Variants in PRKDC observed in about 807,000 individuals in gnomAD.
The protein encoded by PRKDC is DNA-dependent protein kinase catalytic subunit.
Under a neutral mutation model 486.9 loss-of-function variants are expected in PRKDC, and 82 were observed. The ratio of observed to expected loss-of-function variants is 0.17; its 90% CI spans 0.14 to 0.20. PRKDC has a LOEUF of 0.20. Among genes scored for constraint, PRKDC ranks in the 10% least tolerant of loss-of-function variants. The pLI, the probability that PRKDC is intolerant of heterozygous loss-of-function variation, is 1.00. For synonymous variants in PRKDC, 1,895 were observed against 1,837.0 expected, an observed-to-expected ratio of 1.03 and a Z score of -0.81; for missense variants, 4,504 against 5,038.2, an observed-to-expected ratio of 0.89 and a Z score of 3.21.
Position 47,902,794 on chromosome 8 carries a change from T to C in PRKDC, c.3044A>G (p.Asp1015Gly), listed in dbSNP as rs370371531. 10 of 1,595,600 alleles carry C rather than the reference T, an allele frequency of 6.3e-6. No individual in the cohort carries two copies. The highest frequency in any genetic ancestry group is 1.4e-5 in the African/African-American group (1 of 73,950). ...DTVALLEAIL[D>G]GIVDPVDSTL... The stretch of plus-strand genomic sequence containing the variant: ...ACTGTCAACAGGGTCCACAATTCCA[T>C]CCTGAAACAAAACAAAGAGACCTTG... Residue 1015 changes from aspartate (D) to glycine (G), a missense_variant and splice_region_variant, in exon 27 of 86, where the codon GAT becomes GGT. Coordinates refer to ENST00000314191, the MANE Select transcript of PRKDC (RefSeq NM_006904.7).
At position 47,943,838 on chromosome 8, in the gene PRKDC, T is replaced by C; in HGVS notation, c.808+15A>G. On this transcript the variant is annotated intron_variant, in intron 9 of 85. Coordinates refer to ENST00000314191, the MANE Select transcript of PRKDC (RefSeq NM_006904.7). ...TAATCTAAAATATTATACCTCATTA[T>C]AAACAGAATCCTACCTGAGGGCACA... The C allele has an allele frequency of 6.4e-7, 1 of 1,566,078 alleles. No homozygotes were observed. Among genetic ancestry groups the C allele is most frequent in the South Asian group, 1.2e-5 (1 of 84,904 alleles).
At chr8:47,795,797 G>A (rs1373848016) in intron 73 of PRKDC, among the ~76,000 whole-genome samples, 1 of 149,778 alleles carries the variant, frequency 6.7e-6, no homozygotes, top group Non-Finnish European at 1.5e-5. Flanking sequence ...CTGGTCCCCT[G>A]TACACGTAAC....
chr8:47,800,781 C>T lies in PRKDC; in HGVS notation c.10116+12G>A. Reference sequence around the variant, plus strand: ...CACAGCACACTAGCGTAAAACATTCCTCCAGTATTACCTTCTCTGAATCCT... The same window carrying T: ...CACAGCACACTAGCGTAAAACATTCTTCCAGTATTACCTTCTCTGAATCCT... On this transcript the variant is annotated intron_variant, in intron 71 of 85. Transcript: ENST00000314191. The T allele has an allele frequency of 6.3e-7, 1 of 1,595,366 alleles. No individual in the cohort carries two copies. The highest frequency in any genetic ancestry group is 8.5e-7 in the Non-Finnish European group (1 of 1,170,748).
Position 47,782,862 on chromosome 8 carries a change from C to A in PRKDC, c.11176-264G>T. The A allele has an allele frequency of 1.9e-6, 1 of 537,592 alleles. No individual in the cohort carries two copies. 33.3% of individuals were successfully genotyped at this position (537,592 alleles called of 1,614,324 possible). ...CAAGCAGCAACAGCCAACATGCAAA[C>A]TTTCTACAGTAGTAAGCTAATGCTA... On this transcript the variant is annotated intron_variant, in intron 78 of 85. Coordinates refer to ENST00000314191, the MANE Select transcript of PRKDC (RefSeq NM_006904.7). This position sits in a 1 kb window ranked among gnomAD's most constrained non-coding sequence, Gnocchi z 4.9.
In PRKDC at chr8:47,826,636, G is replaced by A. The variant is rs1290227636; in HGVS notation, c.8783+20C>T. 1.3e-6 allele frequency: 2 copies of A among 1,595,212 alleles called. No individual in the cohort carries two copies. Among genetic ancestry groups the A allele is most frequent in the Middle Eastern group, 2.2e-4 (1 of 4,532 alleles). On this transcript the variant is annotated intron_variant, in intron 63 of 85. Coordinates refer to ENST00000314191, the MANE Select transcript of PRKDC (RefSeq NM_006904.7). ...GGTCAAATCCAGTGTGCTCCCAAGA[G>A]CACCTGACCTCACACTTACTTAGCA...
chr8:47,785,085 GT>G, intron 77 of PRKDC, 27 bp downstream of exon 77: 1 of 1,606,526 alleles, frequency 6.2e-7, no homozygotes, highest in Non-Finnish European at 8.5e-7. Flanking sequence ...TGACAGTACA[GT>G]TTTGTCACCC....
chr8:47,833,137 G>A (rs1036761563), intron 59 of PRKDC, among the ~76,000 whole-genome samples: 8 of 152,324 alleles, frequency 5.3e-5, no homozygotes, highest in South Asian at 2.1e-4. Context: ...TCAACTCACA[G>A]CACATGCCAA....
intron 21 of PRKDC, among the ~76,000 whole-genome samples, chr8:47,925,340 C>T (rs1225510937): frequency 6.6e-6 from 1 of 152,258 alleles, no homozygotes; most frequent in Non-Finnish European, 1.5e-5. Flanking sequence ...GTCAAAAAGG[C>T]ACAGCCCAAA....
Position 47,862,406 on chromosome 8 carries a change from G to A in PRKDC, c.5886C>T (p.Tyr1962=). ...ICCVFNELKF[Y]QGFLFSEKPE... is the part of the protein sequence containing the mutation. ...GTTTTTCACTAAACAGAAAACCTTG[G>A]TAAAATTTTAACTCATTGAAGACAC... Residue 1962 remains tyrosine, a synonymous_variant, in exon 43 of 86, where the codon TAC becomes TAT. Transcript: ENST00000314191. The A allele has an allele frequency of 6.2e-7, 1 of 1,613,910 alleles. No homozygotes were observed. The highest frequency in any genetic ancestry group is 8.5e-7 in the Non-Finnish European group (1 of 1,179,838).
intron 68 of PRKDC, among the ~76,000 whole-genome samples, chr8:47,811,597 T>A (rs1436447474): frequency 6.6e-6 from 1 of 152,248 alleles, no homozygotes; most frequent in African/African-American, 2.4e-5. Flanking sequence ...TATCTAGTGG[T>A]GTTTTCATTA....
intron 10 of PRKDC, among the ~76,000 whole-genome samples, chr8:47,942,153 A>T (rs2090455440): frequency 6.6e-6 from 1 of 152,256 alleles, no homozygotes; most frequent in African/African-American, 2.4e-5. Context: ...TGTTTATCGC[A>T]GTAAATGTTT....
intron 21 of PRKDC, among the ~76,000 whole-genome samples, chr8:47,920,015 T>A (rs2090047991): frequency 6.6e-6 from 1 of 152,216 alleles, no homozygotes; most frequent in African/African-American, 2.4e-5. Context: ...GAGGCATCTG[T>A]GCCTTAAGGA....
chr8:47,774,172 C>T lies in PRKDC; in HGVS notation c.*1G>A. The T allele has an allele frequency of 6.4e-7, 1 of 1,569,432 alleles. No individual in the cohort carries two copies. On this transcript the variant is annotated 3_prime_UTR_variant, in exon 86 of 86. Transcript: ENST00000314191. ...TTTCTATCTGCAGACTCCCACAGAC[C>T]TCACATCCAGGGCTCCCATCCTTCC...
rs772591746 is a variant in PRKDC at position 47,864,688 on chromosome 8, A to G, written c.5439T>C (p.Ser1813=). 2 of 1,607,784 alleles carry G rather than the reference A, an allele frequency of 1.2e-6. No homozygotes were observed. Among genetic ancestry groups the G allele is most frequent in the Admixed American group, 3.4e-5 (2 of 59,062 alleles). Residue 1813 remains serine (S), a synonymous_variant, in exon 41 of 86, where the codon AGT becomes AGC. Coordinates refer to ENST00000314191, the MANE Select transcript of PRKDC (RefSeq NM_006904.7). ...GGTCCACAAAGGACTGGCGTGTGAA[A>G]CTTAGGCGGGGGTCATCCTTCCTGA... ...EMFRKDDPRL[S]FTRQSFVDRS... is the part of the protein sequence containing the mutation.
intron 51 of PRKDC, 86 bp from the exon 52 acceptor site, chr8:47,852,870 C>A: frequency 2.3e-6 from 2 of 868,052 alleles, no homozygotes; most frequent in Admixed American, 2.4e-5. Flanking sequence ...CTTCTCATGT[C>A]ATATTGACAG....
intron 44 of PRKDC, 125 bp from the exon 45 acceptor site, chr8:47,861,096 A>G (rs2088667215): frequency 1.4e-6 from 1 of 697,410 alleles, no homozygotes; most frequent in Non-Finnish European, 2.3e-6. Flanking sequence ...CAAATTTAAA[A>G]GCACTCAAAA....
chr8:47,866,731 T>C (rs1381357760), intron 40 of PRKDC, among the ~76,000 whole-genome samples: 1 of 151,916 alleles, frequency 6.6e-6, no homozygotes, highest in Non-Finnish European at 1.5e-5. Flanking sequence ...ATATTACAAA[T>C]AAGGGAGGAA....
At chr8:47,828,466 A>G in intron 61 of PRKDC, 119 bp from the exon 62 acceptor site, 1 of 788,820 alleles carries the variant, frequency 1.3e-6, no homozygotes, top group Non-Finnish European at 1.9e-6. Context: ...ATACCTCTCA[A>G]TTCTATTTGG....
At chr8:47,838,455 T>A (rs1486491032) in intron 56 of PRKDC, among the ~76,000 whole-genome samples, 1 of 151,730 alleles carries the variant, frequency 6.6e-6, no homozygotes, top group Non-Finnish European at 1.5e-5. Flanking sequence ...TTACAAAAAA[T>A]AAAAAATCAG....
Sources: gnomAD v4.1 joint callset for allele counts (sites outside exome capture counted in the v4.1 genomes callset) on GRCh38, gnomAD v4.1.1 for gene constraint, Gnocchi (gnomAD v3.1) non-coding constraint, MANE v1.5 for transcripts, NCBI Gene and HGNC (gene_info 2026-07-23, HGNC 2026-07-21) for gene names.